The following C19orf47 variants were observed in gnomAD, a reference collection of about 807,000 sequenced individuals.
C19orf47 encodes chromosome 19 open reading frame 47, also known as uncharacterized protein C19orf47.
C19orf47 carries 18 observed loss-of-function variants against 32.3 expected under a neutral mutation model. The ratio of observed to expected loss-of-function variants is 0.56; its 90% CI spans 0.39 to 0.83. The LOEUF is 0.83. Among genes scored for constraint, C19orf47 ranks in the 40% least tolerant of loss-of-function variants. The pLI, the probability that C19orf47 is intolerant of heterozygous loss-of-function variation, is 0.00. For missense variants in C19orf47, 484 were observed against 531.6 expected, an observed-to-expected ratio of 0.91 and a Z score of 0.88; for synonymous variants, 202 against 211.1, an observed-to-expected ratio of 0.96 and a Z score of 0.37.
the C19orf47 span, among the ~76,000 whole-genome samples, chr19:40,312,066 C>T: frequency 1.3e-5 from 2 of 152,226 alleles, no homozygotes; most frequent in Non-Finnish European, 2.9e-5. Context: ...AAACATAATG[C>T]ATCCAACACT....
intron 5 of C19orf47, among the ~76,000 whole-genome samples, chr19:40,333,332 G>A (rs2077994912): frequency 6.7e-6 from 1 of 150,306 alleles, no homozygotes; most frequent in East Asian, 1.9e-4. Context: ...GCACAGTGTT[G>A]AAGTGCTGTC....
In C19orf47 at chr19:40,321,460, A is replaced by G. The variant is rs1028291869; in HGVS notation, c.*422T>C. 2 of 1,008,802 alleles carry G rather than the reference A, an allele frequency of 2.0e-6. No individual in the cohort carries two copies. The highest frequency in any genetic ancestry group is 1.1e-4 in the Admixed American group (2 of 18,578). The allele number at this position is 1,008,802 out of a possible 1,614,324, so 62.5% of individuals were successfully genotyped here. On this transcript the variant is annotated 3_prime_UTR_variant, in exon 9 of 9. Transcript: ENST00000683109. Reference sequence around the variant, plus strand: ...AGAGGAGTGAGGGAGGTCAGTGGGGAGTGGGGGAAGGGAGGCCCACCAGGT... The same window carrying G: ...AGAGGAGTGAGGGAGGTCAGTGGGGGGTGGGGGAAGGGAGGCCCACCAGGT...
chr19:40,327,215 T>G (rs2077851012), intron 6 of C19orf47, among the ~76,000 whole-genome samples: 1 of 151,730 alleles, frequency 6.6e-6, no homozygotes, highest in South Asian at 2.1e-4. Flanking sequence ...GGTTTCACCA[T>G]GTTGGTCAGG....
chr19:40,336,694 C>G (rs775019867), intron 2 of C19orf47, among the ~76,000 whole-genome samples: 1 of 152,192 alleles, frequency 6.6e-6, no homozygotes, highest in Non-Finnish European at 1.5e-5. Context: ...ACCTTTACCA[C>G]AGCCTTTCTC....
At chr19:40,328,573 C>T (rs1043359762) in intron 5 of C19orf47, 23 bp from the exon 6 acceptor site, 16 of 1,587,218 alleles carry the variant, frequency 1.0e-5, no homozygotes, top group East Asian at 6.9e-5. Context: ...AAGGAGAGTC[C>T]GGTCGGGTGG....
chr19:40,332,038 CAAAA>C (rs781472516), intron 5 of C19orf47, among the ~76,000 whole-genome samples: 1 of 105,318 alleles, frequency 9.5e-6, no homozygotes, highest in African/African-American at 3.6e-5. Flanking sequence ...AACTCCATCT[CAAAA>C]AAAAAAAAAA....
the C19orf47 span, among the ~76,000 whole-genome samples, chr19:40,297,761 C>T: frequency 6.6e-6 from 1 of 151,062 alleles, no homozygotes; most frequent in Non-Finnish European, 1.5e-5. Flanking sequence ...GTACTCCCAG[C>T]TACTCAGAAG....
rs55954294 is a variant in C19orf47 at position 40,345,536 on chromosome 19, T to TAA, written c.-34+2786_-34+2787dup. On this transcript the variant is annotated intron_variant, in intron 1 of 8. Transcript: ENST00000683109. ...CAATATAGCGAGACCCTGTCACTGTTAAAAAAAAAAAAAAAAAAAAAAAAA... is the reference window on the plus strand; with the variant it reads ...CAATATAGCGAGACCCTGTCACTGTTAAAAAAAAAAAAAAAAAAAAAAAAAAA... Among the ~76,000 whole-genome samples, 19 of 110,850 alleles carry TAA rather than the reference T, an allele frequency of 1.7e-4. 1 individual carries two copies. In the South Asian group the frequency reaches 3.1e-3, roughly 18 times the overall value. 72.7% of individuals were successfully genotyped at this position (110,850 alleles called of 152,430 possible).
At chr19:40,328,669 G>A in intron 5 of C19orf47, 119 bp from the exon 6 acceptor site, 1 of 1,321,412 alleles carries the variant, frequency 7.6e-7, no homozygotes, top group Non-Finnish European at 1.0e-6. Context: ...AGGTCAGCGG[G>A]TATCACCCTG....
At position 40,336,115 on chromosome 19, in the gene C19orf47, G is replaced by A. The variant is rs781032982; in HGVS notation, c.217C>T (p.Arg73Cys). The A allele has an allele frequency of 1.1e-5, 17 of 1,613,892 alleles. No homozygotes were observed. The highest frequency in any genetic ancestry group is 1.7e-4 in the Middle Eastern group (1 of 6,060). ...AILKHAKVVH[R>C]QDMCKAATES... ...GGGCTGGGCACAGCACCCACCTGACGGTGCACCACTTTGGCATGCTTGAGA... is the reference window on the plus strand; with the variant it reads ...GGGCTGGGCACAGCACCCACCTGACAGTGCACCACTTTGGCATGCTTGAGA... Residue 73 changes from arginine to cysteine, a missense_variant, in exon 4 of 9, where the codon CGT (arginine) becomes TGT (cysteine). Around this residue, in one of 3 missense-constraint regions of C19orf47, gnomAD observed 376 missense variants for 370.2 expected, o/e 1.02. Transcript: ENST00000683109.
At chr19:40,303,041 G>A in the C19orf47 span, among the ~76,000 whole-genome samples, 4 of 152,108 alleles carry the variant, frequency 2.6e-5, no homozygotes, top group African/African-American at 7.2e-5. Flanking sequence ...AGGAGTTCAA[G>A]GCCAGCCTGG....
the C19orf47 span, among the ~76,000 whole-genome samples, chr19:40,306,151 C>CAAAAAAAAAAA: frequency 1.9e-5 from 1 of 53,880 alleles, no homozygotes; most frequent in Non-Finnish European, 3.6e-5. Context: ...AACTCTGTCT[C>CAAAAAAAAAAA]AAAAAAAAAA....
the C19orf47 span, among the ~76,000 whole-genome samples, chr19:40,305,435 C>T: frequency 6.6e-6 from 1 of 152,076 alleles, no homozygotes; most frequent in Non-Finnish European, 1.5e-5. Context: ...TAAACACCAC[C>T]TGATCTTTTT....
chr19:40,347,916 A>G (rs1182245177), intron 1 of C19orf47, among the ~76,000 whole-genome samples: 1 of 152,154 alleles, frequency 6.6e-6, no homozygotes, highest in Admixed American at 6.5e-5. Flanking sequence ...CTCTCATTGT[A>G]CAGATGAGAA....
the C19orf47 span, among the ~76,000 whole-genome samples, chr19:40,309,430 C>A: frequency 3.9e-5 from 6 of 152,206 alleles, no homozygotes; most frequent in African/African-American, 1.4e-4. Flanking sequence ...CTCAGGTGAT[C>A]TGCCGGCCTC....
rs550526449 is a variant in C19orf47, at chr19:40,321,047, G to A, written c.*835C>T. ...AAACAGTCCTGCAACTCACCCTGAA[G>A]GAGTGGGGGAAATGATTTGAAAGTC... On this transcript the variant is annotated 3_prime_UTR_variant, in exon 9 of 9. Transcript: ENST00000683109. 1 of 179,360 alleles carries A rather than the reference G, an allele frequency of 5.6e-6. No individual in the cohort carries two copies. Among genetic ancestry groups the A allele is most frequent in the Non-Finnish European group, 1.1e-5 (1 of 91,516 alleles). The allele number at this position is 179,360 out of a possible 1,614,324, so 11.1% of individuals were successfully genotyped here.
rs921286792 is a variant in C19orf47 at position 40,321,204 on chromosome 19, C to T, written c.*678G>A. ...GGCAGGAAAACGGATGCGCCTCAGC[C>T]GCAGCCCAGGGTCTGGAGAGGTCCC... is the stretch of plus-strand genomic sequence containing the variant. On this transcript the variant is annotated 3_prime_UTR_variant, in exon 9 of 9. Transcript: ENST00000683109. The T allele has an allele frequency of 7.4e-5, 73 of 982,380 alleles. No homozygotes were observed. The highest frequency in any genetic ancestry group is 5.2e-4 in the Middle Eastern group (1 of 1,912). 60.9% of individuals were successfully genotyped at this position (982,380 alleles called of 1,614,324 possible). A position where few individuals can be genotyped will look rare whatever the true frequency, so the allele number is the denominator to read the frequency against.
intron 1 of C19orf47, among the ~76,000 whole-genome samples, chr19:40,343,244 A>G (rs567606675): frequency 6.6e-6 from 1 of 152,190 alleles, no homozygotes; most frequent in South Asian, 2.1e-4. Context: ...CATGGGGTGC[A>G]GAAGCCCTCT....
At chr19:40,304,595 TC>T in the C19orf47 span, among the ~76,000 whole-genome samples, 1 of 152,120 alleles carries the variant, frequency 6.6e-6, no homozygotes, top group Admixed American at 6.6e-5. Context: ...CACCACCACC[TC>T]CTAGAAGCCG....
Sources: gnomAD v4.1 joint callset for allele counts (sites outside exome capture counted in the v4.1 genomes callset) on GRCh38, gnomAD v4.1.1 for gene constraint, gnomAD v4.1.1 regional missense constraint, MANE v1.5 for transcripts, NCBI Gene and HGNC (gene_info 2026-07-23, HGNC 2026-07-21) for gene names.